Variants in RBFOX1 observed in about 807,000 individuals in gnomAD.
RBFOX1 encodes the protein RNA binding fox-1 homolog 1, also known as RNA binding protein fox-1 homolog 1.
A neutral mutation model predicts 57.7 loss-of-function variants in RBFOX1; 8 were observed. That is an observed-to-expected ratio of 0.14 (90% CI 0.08 to 0.25). RBFOX1 has a LOEUF of 0.25. Among genes scored for constraint, RBFOX1 ranks in the 10% least tolerant of loss-of-function variants. The probability of loss-of-function intolerance (pLI) is 1.00; values close to 1 mark genes in which losing one functional copy is unlikely to be tolerated. For missense variants in RBFOX1, 611 were observed against 548.5 expected (o/e 1.11, Z -1.14); for synonymous variants, 326 against 222.4 (o/e 1.47, Z -4.15).
At chr16:5,663,107 A>G (rs1004075047) in intron 3 of RBFOX1, among the ~76,000 whole-genome samples, 5 of 152,204 alleles carry the variant, frequency 3.3e-5, no homozygotes. Flanking sequence ...GGCCAGGGAT[A>G]CTGCTAAACA....
intron 2 of RBFOX1, among the ~76,000 whole-genome samples, chr16:6,550,114 C>A (rs2153871004): frequency 6.6e-6 from 1 of 152,224 alleles, no homozygotes; most frequent in Admixed American, 6.5e-5. Context: ...TTTCTCTTCG[C>A]TCTGTTTGGA....
chr16:7,448,515 A>G (rs570222046), intron 4 of RBFOX1, among the ~76,000 whole-genome samples: 1 of 152,202 alleles, frequency 6.6e-6, no homozygotes, highest in Admixed American at 6.5e-5. Context: ...CTAACTGACT[A>G]TGGTGAGAAC....
rs2084049874 is a variant in RBFOX1, at chr16:7,711,872, A to C, written c.*1127A>C. ...ATCATGGTATTTTCATCAGCTTGGT[A>C]CTTTTTGAAACGTGACTGCGTTGTG... On this transcript the variant is annotated 3_prime_UTR_variant, in exon 16 of 16. Transcript: ENST00000550418. 1 of 152,586 alleles carries C rather than the reference A, an allele frequency of 6.6e-6. No individual in the cohort carries two copies. The highest frequency in any genetic ancestry group is 1.5e-5 in the Non-Finnish European group (1 of 68,040). The allele number at this position is 152,586 out of a possible 1,614,324, so 9.5% of individuals were successfully genotyped here.
intron 3 of RBFOX1, among the ~76,000 whole-genome samples, chr16:6,757,123 A>G (rs1349440590): frequency 6.6e-6 from 1 of 152,222 alleles, no homozygotes; most frequent in Non-Finnish European, 1.5e-5. Flanking sequence ...AATTAGAACG[A>G]CTATTATCAA....
intron 2 of RBFOX1, among the ~76,000 whole-genome samples, chr16:6,451,302 C>T (rs770659744): frequency 4.6e-5 from 7 of 152,084 alleles, no homozygotes; most frequent in Non-Finnish European, 8.8e-5. Context: ...ATGGAAGTAT[C>T]AACATTAGGA....
chr16:7,586,881 C>T (rs1214766976), intron 6 of RBFOX1, among the ~76,000 whole-genome samples: 1 of 152,192 alleles, frequency 6.6e-6, no homozygotes, highest in Non-Finnish European at 1.5e-5. Flanking sequence ...CACATTTCAT[C>T]AAGGGTGTTT....
intron 1 of RBFOX1, among the ~76,000 whole-genome samples, chr16:5,272,390 C>G (rs2063034306): frequency 6.6e-6 from 1 of 152,144 alleles, no homozygotes; most frequent in Non-Finnish European, 1.5e-5. Context: ...GTTCAAAGCC[C>G]CATTTGGCAT....
At chr16:6,326,967 G>A (rs2082443293) in intron 2 of RBFOX1, among the ~76,000 whole-genome samples, 1 of 152,138 alleles carries the variant, frequency 6.6e-6, no homozygotes, top group South Asian at 2.1e-4. Flanking sequence ...TTTCATTTTG[G>A]AGCAGAATCC....
intron 3 of RBFOX1, among the ~76,000 whole-genome samples, chr16:6,805,529 C>T (rs572075685): frequency 2.0e-5 from 3 of 151,902 alleles, no homozygotes; most frequent in Admixed American, 6.6e-5. Context: ...TACCTCTGAG[C>T]CTAAAATAAA....
chr16:7,339,651 G>C (rs1025994549), intron 4 of RBFOX1, among the ~76,000 whole-genome samples: 1 of 152,110 alleles, frequency 6.6e-6, no homozygotes, highest in African/African-American at 2.4e-5. Flanking sequence ...TGTTGGCTGG[G>C]CTGGTCTTGA....
rs2096259410 is a variant in RBFOX1 at position 7,309,277 on chromosome 16, C to A, written c.28-208870C>A. Among the ~76,000 whole-genome samples the A allele has an allele frequency of 3.3e-5, 5 of 152,226 alleles. No individual in the cohort carries two copies. The South Asian group carries it at 1.0e-3, about 32-fold the overall frequency. On this transcript the variant is annotated intron_variant, in intron 4 of 15. Coordinates refer to ENST00000550418, the MANE Select transcript of RBFOX1 (RefSeq NM_018723.4). ...AGGTAAGGCCCACATTTCAGGTGAG[C>A]TGGGGGTCATCTGTGCTTCCCCCCT...
rs112332326 is a variant in RBFOX1, at chr16:7,638,705, A to G, written c.757+8022A>G. Among the ~76,000 whole-genome samples, 1,497 of 152,328 alleles carry G rather than the reference A, an allele frequency of 9.8e-3. 25 individuals are homozygous for G. The highest frequency in any genetic ancestry group is 0.035 in the African/African-American group (1,447 of 41,578). The stretch of plus-strand genomic sequence containing the variant: ...TCAACTCTTGTTATAGCTTGAAAGT[A>G]GCCATAGACTACTGTACATATAGCC... On this transcript the variant is annotated intron_variant, in intron 11 of 15. Coordinates refer to ENST00000550418, the MANE Select transcript of RBFOX1 (RefSeq NM_018723.4).
At chr16:7,542,948 C>G (rs184659489) in intron 5 of RBFOX1, among the ~76,000 whole-genome samples, 12 of 152,200 alleles carry the variant, frequency 7.9e-5, no homozygotes, top group African/African-American at 2.6e-4. Flanking sequence ...ACAAGAAAGG[C>G]AAGTGACATT....
At chr16:6,944,436 A>T (rs78144067) in intron 3 of RBFOX1, among the ~76,000 whole-genome samples, 1,755 of 151,608 alleles carry the variant, frequency 0.012, 42 homozygotes, top group African/African-American at 0.04. Flanking sequence ...AAAAAAGAAG[A>T]CCACACCCTT....
intron 3 of RBFOX1, among the ~76,000 whole-genome samples, chr16:5,691,569 T>G (rs2050681490): frequency 6.6e-6 from 1 of 152,214 alleles, no homozygotes; most frequent in South Asian, 2.1e-4. Context: ...ATTTTGAATT[T>G]TTTCAAATTT....
intron 2 of RBFOX1, among the ~76,000 whole-genome samples, chr16:6,500,889 T>TGTTTG (rs1313041982): frequency 0.015 from 2,175 of 142,222 alleles, 53 homozygotes; most frequent in East Asian, 0.098. Context: ...TTTTTTTTTT[T>TGTTTG]TTTTTTTTTT....
chr16:7,068,701 T>A (rs1394627106), intron 4 of RBFOX1, among the ~76,000 whole-genome samples: 2 of 152,056 alleles, frequency 1.3e-5, no homozygotes, highest in African/African-American at 4.8e-5. Flanking sequence ...GATTCTCCTG[T>A]CTCAGCCTCC....
At chr16:6,840,361 G>C (rs2093391100) in intron 3 of RBFOX1, among the ~76,000 whole-genome samples, 1 of 152,164 alleles carries the variant, frequency 6.6e-6, no homozygotes, top group Admixed American at 6.5e-5. Flanking sequence ...ATTGGTCCCT[G>C]TATTTCAGGA....
chr16:7,076,386 G>C (rs1294333425), intron 4 of RBFOX1, among the ~76,000 whole-genome samples: 1 of 151,818 alleles, frequency 6.6e-6, no homozygotes, highest in Non-Finnish European at 1.5e-5. Flanking sequence ...TTTTACCCGA[G>C]TCTTTGTCAA....
Sources: allele counts gnomAD v4.1 joint callset (sites outside exome capture counted in the v4.1 genomes callset), GRCh38; gene constraint gnomAD v4.1.1; transcripts MANE v1.5; gene names NCBI Gene and HGNC (gene_info 2026-07-23, HGNC 2026-07-21).